ARAP1: variants seen among roughly 807,000 people sequenced by gnomAD.
The protein encoded by ARAP1 is arf-GAP with Rho-GAP domain, ANK repeat and PH domain-containing protein 1.
In ARAP1, 76 loss-of-function variants were observed where a neutral mutation model predicts 172.2. That is an observed-to-expected ratio of 0.44 (90% CI 0.37 to 0.53). The LOEUF (loss-of-function observed/expected upper bound fraction) is 0.53, where lower values mean the gene tolerates loss of function less well. Among genes scored for constraint, ARAP1 ranks in the 20% least tolerant of loss-of-function variants. The probability of loss-of-function intolerance (pLI) is 0.00; values close to 1 mark genes in which losing one functional copy is unlikely to be tolerated. For synonymous variants in ARAP1, 804 were observed against 803.3 expected (o/e 1.00, Z -0.01); for missense variants, 1,686 against 1,977.5 (o/e 0.85, Z 2.80).
intron 1 of ARAP1, among the ~76,000 whole-genome samples, chr11:72,745,404 C>A (rs921642927): frequency 1.4e-5 from 2 of 146,590 alleles, no homozygotes; most frequent in Non-Finnish European, 3.0e-5. Context: ...CGGGGTTTCA[C>A]CGTGTTAGCC....
intron 5 of ARAP1, chr11:72,712,893 G>A (rs1857092730): frequency 3.3e-6 from 2 of 598,400 alleles, no homozygotes; most frequent in East Asian, 5.6e-5. Context: ...GACACTCCGG[G>A]ACAGGACACG....
At chr11:72,752,302 G>C (rs921404438) in intron 1 of ARAP1, 26 bp downstream of exon 1, 7 of 152,304 alleles carry the variant, frequency 4.6e-5, no homozygotes, top group Non-Finnish European at 7.3e-5. Flanking sequence ...GCCTGCAGAC[G>C]GGGAGGCTCC....
intron 3 of ARAP1, among the ~76,000 whole-genome samples, chr11:72,718,447 C>A (rs910641807): frequency 6.6e-6 from 1 of 152,058 alleles, no homozygotes; most frequent in Non-Finnish European, 1.5e-5. Flanking sequence ...GCGCCACCTC[C>A]AAGCCTTCAC....
At chr11:72,687,613 A>T in intron 32 of ARAP1, 75 bp downstream of exon 32, 10 of 1,612,916 alleles carry the variant, frequency 6.2e-6, no homozygotes, top group Non-Finnish European at 8.5e-6. Flanking sequence ...CTGGGCAGTG[A>T]TGAGGGACAC....
chr11:72,710,248 C>A lies in ARAP1; in HGVS notation c.1416+137G>T. On this transcript the variant is annotated intron_variant, in intron 10 of 34. Transcript: ENST00000393609. This position sits in a 1 kb window ranked among gnomAD's most constrained non-coding sequence, Gnocchi z 4.3. ...GGGAAGTGGTCAGAACTTGGGGGAG[C>A]GAGGACATATCCAGGCAAAGGGCTG... The A allele has an allele frequency of 8.9e-7, 1 of 1,117,752 alleles. No homozygotes were observed. The highest frequency in any genetic ancestry group is 1.5e-5 in the African/African-American group (1 of 64,748). 69.2% of individuals were successfully genotyped at this position (1,117,752 alleles called of 1,614,324 possible). A position where few individuals can be genotyped will look rare whatever the true frequency, so the allele number is the denominator to read the frequency against.
In ARAP1 at chr11:72,691,035, C is replaced by T. The variant is rs79866318; in HGVS notation, c.3987+1718G>A. Reference sequence around the variant, plus strand: ...TTGGCTGTCTCTGGGGTGTGAAGAGCACCACCTACCCTGTGCTGAGCACCC... The same window carrying T: ...TTGGCTGTCTCTGGGGTGTGAAGAGTACCACCTACCCTGTGCTGAGCACCC... On this transcript the variant is annotated intron_variant, in intron 30 of 34. Transcript: ENST00000393609. Among the ~76,000 whole-genome samples the T allele has an allele frequency of 2.6e-4, 39 of 152,380 alleles. 2 individuals are homozygous for T. In the East Asian group the frequency reaches 6.6e-3, roughly 26 times the overall value.
chr11:72,710,075 G>T lies in ARAP1; in HGVS notation c.1417-99C>A, dbSNP rs569165017. 1.4e-4 allele frequency: 140 copies of T among 978,960 alleles called. No individual in the cohort carries two copies. The highest frequency in any genetic ancestry group is 7.4e-4 in the South Asian group (54 of 73,410). The allele number at this position is 978,960 out of a possible 1,614,324, so 60.6% of individuals were successfully genotyped here. ...GGGAAGGTGGTGCAACTCAGGGACT[G>T]GGGGGGGTGCCCAGGAGGGAGACAG... On this transcript the variant is annotated intron_variant, in intron 10 of 34. Transcript: ENST00000393609. The surrounding 1 kb of genome is among the most constrained non-coding windows in gnomAD (Gnocchi z 4.3).
At chr11:72,734,187 C>G (rs1259728052) in intron 1 of ARAP1, among the ~76,000 whole-genome samples, 1 of 152,102 alleles carries the variant, frequency 6.6e-6, no homozygotes, top group African/African-American at 2.4e-5. Context: ...GTAGTGCAAT[C>G]ATAGCTTACT....
Position 72,741,514 on chromosome 11 carries a change from G to A in ARAP1, c.-127-8917C>T, listed in dbSNP as rs1591248800. On this transcript the variant is annotated intron_variant, in intron 1 of 34. Transcript: ENST00000393609. This position sits in a 1 kb window ranked among gnomAD's most constrained non-coding sequence, Gnocchi z 4.5. ...CACAGACACACTCTACAGGGGCTGG[G>A]GACTTCCTGTGGCAACTCCTCCCAC... Among the ~76,000 whole-genome samples the A allele has an allele frequency of 1.3e-5, 2 of 152,242 alleles. No individual in the cohort carries two copies.
intron 30 of ARAP1, chr11:72,688,785 G>A (rs1009389494): frequency 3.2e-5 from 15 of 463,614 alleles, no homozygotes; most frequent in African/African-American, 1.8e-4. Flanking sequence ...CTCAGTCTCC[G>A]AGGCAGCCGT....
Position 72,693,396 on chromosome 11 carries a change from G to C in ARAP1, c.3883C>G (p.Pro1295Ala), listed in dbSNP as rs1414782178. 6.2e-7 allele frequency: 1 copy of C among 1,613,930 alleles called. No individual in the cohort carries two copies. Among genetic ancestry groups the C allele is most frequent in the Non-Finnish European group, 8.5e-7 (1 of 1,179,868 alleles). The change falls in exon 29 of 35, where the codon CCC (proline) becomes GCC (alanine). Residue 1295 changes from proline (P) to alanine (A), a missense_variant. Pro to Ala is a conservative substitution (Grantham distance 27). Coordinates refer to ENST00000393609, the MANE Select transcript of ARAP1 (RefSeq NM_001040118.3). This position sits in a 1 kb window ranked among gnomAD's most constrained non-coding sequence, Gnocchi z 4.6. The part of the protein sequence containing the change: ...EDRSLLGLGL[P>A]SGGFHDRYFI... ...TAGCGATCGTGGAAGCCACCTGAGGGCAGGCCCAGGCCCAGGAGGCTGCGG... is the reference window on the plus strand; with the variant it reads ...TAGCGATCGTGGAAGCCACCTGAGGCCAGGCCCAGGCCCAGGAGGCTGCGG...
chr11:72,699,154 G>A lies in ARAP1; in HGVS notation c.2439-47C>T, dbSNP rs760768846. On this transcript the variant is annotated intron_variant, in intron 17 of 34. Coordinates refer to ENST00000393609, the MANE Select transcript of ARAP1 (RefSeq NM_001040118.3). This position sits in a 1 kb window ranked among gnomAD's most constrained non-coding sequence, Gnocchi z 4.2. ...CTCAGGCCCACCTCATCCAGCACGG[G>A]CCCACCCCCAACCCGCACCATCAAC... The A allele has an allele frequency of 4.4e-6, 7 of 1,593,654 alleles. No homozygotes were observed. Among genetic ancestry groups the A allele is most frequent in the Non-Finnish European group, 5.2e-6 (6 of 1,163,238 alleles).
intron 22 of ARAP1, 70 bp downstream of exon 22, chr11:72,696,913 A>G: frequency 3.4e-6 from 5 of 1,487,056 alleles, no homozygotes; most frequent in East Asian, 2.4e-5. Flanking sequence ...AAGTGCCACA[A>G]GGGAAGGGCG....
chr11:72,693,888 C>G lies in ARAP1; in HGVS notation c.3695-83G>C. ...CTGGCAGATGGGCACATATCACCTA[C>G]ACATCCCCTGTCCACTCCAACCATA... On this transcript the variant is annotated intron_variant, in intron 27 of 34. Transcript: ENST00000393609. The surrounding 1 kb of genome is among the most constrained non-coding windows in gnomAD (Gnocchi z 4.6). 7 of 1,127,824 alleles carry G rather than the reference C, an allele frequency of 6.2e-6. No individual in the cohort carries two copies. Among genetic ancestry groups the G allele is most frequent in the South Asian group, 2.9e-5 (2 of 67,892 alleles). 69.9% of individuals were successfully genotyped at this position (1,127,824 alleles called of 1,614,324 possible).
chr11:72,714,227 G>T lies in ARAP1; in HGVS notation c.604C>A (p.Pro202Thr), dbSNP rs747696073. The change falls in exon 4 of 35, where the codon CCT becomes ACT. Residue 202 changes from proline (P) to threonine (T), a missense_variant. Coordinates refer to ENST00000393609, the MANE Select transcript of ARAP1 (RefSeq NM_001040118.3). ...EEPLSTLPQG[P>T]PQPPSPPPCP... ...GGAGGTGGAGAGGGAGGCTGGGGAG[G>T]CCCCTGGGGGAGGGTGGACAGGGGC... 4.6e-6 allele frequency: 7 copies of T among 1,521,406 alleles called. No individual in the cohort carries two copies. The South Asian group carries it at 6.3e-5, about 14-fold the overall frequency. 94.2% of individuals were successfully genotyped at this position (1,521,406 alleles called of 1,614,324 possible).
intron 30 of ARAP1, among the ~76,000 whole-genome samples, chr11:72,689,042 G>T (rs570015267): frequency 6.6e-6 from 1 of 152,214 alleles, no homozygotes; most frequent in South Asian, 2.1e-4. Context: ...TTGACCGTGT[G>T]AACAGAAGGC....
Position 72,695,861 on chromosome 11 carries a change from G to A in ARAP1, c.3277C>T (p.Gln1093Ter). 1 of 1,611,090 alleles carries A rather than the reference G, an allele frequency of 6.2e-7. No individual in the cohort carries two copies. The highest frequency in any genetic ancestry group is 8.5e-7 in the Non-Finnish European group (1 of 1,178,370). Reference protein sequence around the residue: ...KALISHLYCVQCFSDTNQMNV... With the variant: ...KALISHLYCV Reference sequence around the variant, plus strand: ...ATCTGGTTCGTGTCTGAGAAGCACTGAACACTGGAGAGGGGAGGAGGAGGG... The same window carrying A: ...ATCTGGTTCGTGTCTGAGAAGCACTAAACACTGGAGAGGGGAGGAGGAGGG... Residue 1093 changes from glutamine (Q) to a stop codon, truncating the protein, a stop_gained, in exon 24 of 35, where the codon CAG (glutamine) becomes TAG (stop). Coordinates refer to ENST00000393609, the MANE Select transcript of ARAP1 (RefSeq NM_001040118.3). LOFTEE classifies it high-confidence loss of function. The surrounding 1 kb of genome is among the most constrained non-coding windows in gnomAD (Gnocchi z 4.4).
rs565821616 is a variant in ARAP1, at chr11:72,690,780, C to A, written c.3987+1973G>T. On this transcript the variant is annotated intron_variant, in intron 30 of 34. Coordinates refer to ENST00000393609, the MANE Select transcript of ARAP1 (RefSeq NM_001040118.3). ...TACTCTTGATGCTTAAGGATCTCTGCTGGAACCAAGATCTTTCTAGCATGT... is the reference window on the plus strand; with the variant it reads ...TACTCTTGATGCTTAAGGATCTCTGATGGAACCAAGATCTTTCTAGCATGT... Among the ~76,000 whole-genome samples, 725 of 152,322 alleles carry A rather than the reference C, an allele frequency of 4.8e-3. 5 individuals carry two copies. The highest frequency in any genetic ancestry group is 6.6e-3 in the South Asian group (32 of 4,828).
intron 1 of ARAP1, among the ~76,000 whole-genome samples, chr11:72,737,995 G>C (rs990578130): frequency 6.6e-6 from 1 of 152,208 alleles, no homozygotes. Context: ...AGCTGTGTGA[G>C]GTAGAAACTC....
Sources: gnomAD v4.1 joint callset for allele counts (sites outside exome capture counted in the v4.1 genomes callset) on GRCh38, gnomAD v4.1.1 for gene constraint, Gnocchi (gnomAD v3.1) non-coding constraint, MANE v1.5 for transcripts, NCBI Gene and HGNC (gene_info 2026-07-23, HGNC 2026-07-21) for gene names.